The following KMO variants were observed in gnomAD, a reference collection of about 807,000 sequenced individuals.
KMO encodes kynurenine 3-monooxygenase, also known as kynurenine 3-hydroxylase.
In KMO, 24 loss-of-function variants were observed where a neutral mutation model predicts 57.8. The observed-to-expected ratio is 0.42, with a 90% CI of 0.30 to 0.58. KMO has a LOEUF of 0.58. KMO is among the 20% of genes least tolerant of loss of function. The pLI is 0.22. For synonymous variants in KMO, 210 were observed against 193.6 expected, an observed-to-expected ratio of 1.08 and a Z score of -0.70; for missense variants, 483 against 588.2, an observed-to-expected ratio of 0.82 and a Z score of 1.85.
At chr1:241,550,027 C>T (rs1439726430) in intron 3 of KMO, 1 of 346,196 alleles carries the variant, frequency 2.9e-6, no homozygotes, top group South Asian at 7.3e-5. Context: ...TGCGTCACTG[C>T]CTGTAGAAAG....
chr1:241,556,893 A>AAAT (rs565628211), intron 5 of KMO, among the ~76,000 whole-genome samples: 1,852 of 150,756 alleles, frequency 0.012, 26 homozygotes, highest in African/African-American at 0.032. Flanking sequence ...AGTCCCAATA[A>AAAT]AATAATAATA....
At chr1:241,561,581 C>A (rs1661838249) in intron 6 of KMO, among the ~76,000 whole-genome samples, 1 of 152,214 alleles carries the variant, frequency 6.6e-6, no homozygotes, top group Admixed American at 6.5e-5. Context: ...GTTTTCTGCT[C>A]CCTTTGGCAT....
intron 9 of KMO, 23 bp downstream of exon 9, chr1:241,566,635 T>G (rs773958352): frequency 6.2e-7 from 1 of 1,612,886 alleles, no homozygotes; most frequent in Non-Finnish European, 8.5e-7. Flanking sequence ...ATGTGCCTTT[T>G]GCTCCATTTG....
At chr1:241,553,954 T>C (rs981024516) in intron 4 of KMO, among the ~76,000 whole-genome samples, 1 of 152,168 alleles carries the variant, frequency 6.6e-6, no homozygotes, top group Non-Finnish European at 1.5e-5. Context: ...GGTGAAGATT[T>C]ATAAATTAGT....
intron 1 of KMO, 103 bp downstream of exon 1, chr1:241,532,601 G>T: frequency 2.4e-6 from 2 of 842,396 alleles, no homozygotes; most frequent in Non-Finnish European, 3.7e-6. Flanking sequence ...TAATTTTCTT[G>T]TGAAAACTCT....
At chr1:241,582,276 A>G (rs1005433642) in intron 10 of KMO, among the ~76,000 whole-genome samples, 1 of 152,090 alleles carries the variant, frequency 6.6e-6, no homozygotes, top group Non-Finnish European at 1.5e-5. Flanking sequence ...TTAGTGTTTT[A>G]TGATCTTCTT....
intron 10 of KMO, among the ~76,000 whole-genome samples, chr1:241,575,615 C>T (rs977041280): frequency 1.3e-5 from 2 of 151,844 alleles, no homozygotes; most frequent in Non-Finnish European, 1.5e-5. Flanking sequence ...TTTAATTTTC[C>T]ACTGTGGGCT....
At chr1:241,586,552 T>C (rs1279193111) in intron 10 of KMO, 127 bp from the exon 11 acceptor site, 4 of 716,996 alleles carry the variant, frequency 5.6e-6, no homozygotes, top group Non-Finnish European at 9.9e-6. Flanking sequence ...TCAACTGCTA[T>C]GTACTAGTTG....
At chr1:241,568,819 G>A (rs1662174461) in intron 10 of KMO, among the ~76,000 whole-genome samples, 172 bp downstream of exon 10, 1 of 152,014 alleles carries the variant, frequency 6.6e-6, no homozygotes, top group Non-Finnish European at 1.5e-5. Flanking sequence ...ATCAGAATTT[G>A]GTTTAATCAA....
At chr1:241,565,093 A>T (rs756554364) in intron 8 of KMO, 35 bp downstream of exon 8, 14 of 1,217,100 alleles carry the variant, frequency 1.2e-5, no homozygotes, top group Middle Eastern at 3.8e-4. Flanking sequence ...GTAATTTTGC[A>T]TTTGTAATTA....
chr1:241,534,546 T>G (rs1338307553), intron 1 of KMO, among the ~76,000 whole-genome samples: 3 of 152,272 alleles, frequency 2.0e-5, no homozygotes, highest in Non-Finnish European at 2.9e-5. Flanking sequence ...GCATCATGTT[T>G]GATTCCTATT....
At chr1:241,557,048 G>T (rs1280736014) in intron 5 of KMO, among the ~76,000 whole-genome samples, 1 of 151,880 alleles carries the variant, frequency 6.6e-6, no homozygotes, top group Non-Finnish European at 1.5e-5. Flanking sequence ...TGTGGCTGGA[G>T]AGTAGAGTGT....
chr1:241,533,984 CAGAA>C (rs1267896411), intron 1 of KMO, among the ~76,000 whole-genome samples: 1 of 152,170 alleles, frequency 6.6e-6, no homozygotes, highest in Non-Finnish European at 1.5e-5. Context: ...GTTCAAGGAG[CAGAA>C]AGAAAGGCAG....
rs115947259 is a variant in KMO, at chr1:241,592,289, T to C, written c.*136T>C. ...TTATAATTAAACTGAATGTAGAGTA[T>C]CTCTGTATGTTAATTGCAATTACTG... On this transcript the variant is annotated 3_prime_UTR_variant, in exon 15 of 15. Transcript: ENST00000366559. The C allele has an allele frequency of 4.5e-6, 3 of 667,424 alleles. No homozygotes were observed. Among genetic ancestry groups the C allele is most frequent in the African/African-American group, 1.8e-5 (1 of 55,350 alleles). The allele number at this position is 667,424 out of a possible 1,614,324, so 41.3% of individuals were successfully genotyped here.
chr1:241,589,592 A>G (rs898625878), intron 12 of KMO, among the ~76,000 whole-genome samples: 16 of 152,204 alleles, frequency 1.1e-4, no homozygotes, highest in Non-Finnish European at 2.1e-4. Flanking sequence ...ACGACACAGT[A>G]TCTGTCCTAA....
chr1:241,587,110 G>A (rs889704833), intron 11 of KMO, among the ~76,000 whole-genome samples: 1 of 152,118 alleles, frequency 6.6e-6, no homozygotes, highest in Admixed American at 6.5e-5. Flanking sequence ...CGGGTTTCAC[G>A]GAAGACAGTG....
chr1:241,546,230 C>G (rs964610947), intron 1 of KMO, among the ~76,000 whole-genome samples: 3 of 152,110 alleles, frequency 2.0e-5, no homozygotes, highest in African/African-American at 7.2e-5. Flanking sequence ...CCCTCCTGAG[C>G]AAGGGGTGCG....
At chr1:241,565,141 C>A (rs2147964137) in intron 8 of KMO, 83 bp downstream of exon 8, 1 of 810,812 alleles carries the variant, frequency 1.2e-6, no homozygotes, top group Non-Finnish European at 2.1e-6. Flanking sequence ...TAGAATGTAT[C>A]TACCTAATTG....
chr1:241,550,899 T>C, intron 3 of KMO, 56 bp from the exon 4 acceptor site: 1 of 787,042 alleles, frequency 1.3e-6, no homozygotes, highest in Non-Finnish European at 2.0e-6. Context: ...CTTCTATCTT[T>C]CTTGCATAAT....
Sources: gnomAD v4.1 joint callset for allele counts (sites outside exome capture counted in the v4.1 genomes callset) on GRCh38, gnomAD v4.1.1 for gene constraint, MANE v1.5 for transcripts, NCBI Gene and HGNC (gene_info 2026-07-23, HGNC 2026-07-21) for gene names.